The following POU6F2 variants were observed in gnomAD, a reference collection of about 807,000 sequenced individuals.
The protein encoded by POU6F2 is POU class 6 homeobox 2.
In POU6F2, 31 loss-of-function variants were observed where a neutral mutation model predicts 71.3. That is an observed-to-expected ratio of 0.43 (90% confidence interval 0.33 to 0.59). POU6F2 has a LOEUF of 0.59. Ranked by LOEUF, POU6F2 falls within the 20% of genes least tolerant of loss-of-function variation. The pLI, the probability that POU6F2 is intolerant of heterozygous loss-of-function variation, is 0.04. For synonymous variants in POU6F2, 347 were observed against 355.7 expected (o/e 0.98, Z 0.27); for missense variants, 783 against 856.8 (o/e 0.91, Z 1.07).
intron 2 of POU6F2, among the ~76,000 whole-genome samples, chr7:39,096,881 A>T (rs1791465221): frequency 6.6e-6 from 1 of 152,248 alleles, no homozygotes; most frequent in African/African-American, 2.4e-5. Flanking sequence ...AATATTTGAA[A>T]TTAGCTTATA....
chr7:39,154,599 G>T (rs1792827251), intron 2 of POU6F2, among the ~76,000 whole-genome samples: 1 of 152,096 alleles, frequency 6.6e-6, no homozygotes, highest in Non-Finnish European at 1.5e-5. Flanking sequence ...AAATTAATTG[G>T]ATTAGAAATT....
chr7:39,028,388 C>A (rs1332747559), intron 1 of POU6F2, among the ~76,000 whole-genome samples: 1 of 151,966 alleles, frequency 6.6e-6, no homozygotes, highest in South Asian at 2.1e-4. Context: ...GAAATCTTAA[C>A]CCATTTCAAC....
At chr7:39,120,867 C>T (rs1437370563) in intron 2 of POU6F2, 1 of 152,088 alleles carries the variant, frequency 6.6e-6, no homozygotes, top group East Asian at 1.9e-4. Context: ...ACAGGAGTGC[C>T]AGGACTGGTG....
At chr7:39,134,760 G>A (rs555934441) in intron 2 of POU6F2, among the ~76,000 whole-genome samples, 6 of 152,172 alleles carry the variant, frequency 3.9e-5, no homozygotes, top group Non-Finnish European at 7.3e-5. Context: ...CACCCAAGGA[G>A]CTCTCAGAAA....
At chr7:39,402,266 A>G (rs1787321639) in intron 5 of POU6F2, among the ~76,000 whole-genome samples, 1 of 152,196 alleles carries the variant, frequency 6.6e-6, no homozygotes, top group African/African-American at 2.4e-5. Context: ...TCTCATCACC[A>G]TTTAGTGTAC....
chr7:38,989,801 T>TTGTGTG lies in POU6F2; in HGVS notation c.105+11763_105+11768dup, dbSNP rs375334324. Among the ~76,000 whole-genome samples the TTGTGTG allele has an allele frequency of 7.0e-5, 10 of 143,144 alleles. 1 individual carries two copies. The highest frequency in any genetic ancestry group is 3.6e-3 in the Middle Eastern group (1 of 278). The allele number at this position is 143,144 out of a possible 152,430, so 93.9% of individuals were successfully genotyped here. A position where few individuals can be genotyped will look rare whatever the true frequency, so the allele number is the denominator to read the frequency against. On this transcript the variant is annotated intron_variant, in intron 1 of 9. Coordinates refer to ENST00000518318, the MANE Select transcript of POU6F2 (RefSeq NM_001370959.1). Reference sequence around the variant, plus strand: ...ATATTAGGCACTGTTCTGTGTGTGTTTGTGTGTGTGTGTGTGTGTGTGTGT... The same window carrying TTGTGTG: ...ATATTAGGCACTGTTCTGTGTGTGTTTGTGTGTGTGTGTGTGTGTGTGTGTGTGTGT...
intron 5 of POU6F2, among the ~76,000 whole-genome samples, chr7:39,391,729 G>A (rs1358083998): frequency 2.0e-5 from 3 of 152,186 alleles, no homozygotes; most frequent in Non-Finnish European, 1.5e-5. Context: ...TCAGTACACA[G>A]GCAAAACTGC....
intron 4 of POU6F2, among the ~76,000 whole-genome samples, chr7:39,291,762 A>C (rs1341122855): frequency 6.6e-6 from 1 of 152,160 alleles, no homozygotes; most frequent in African/African-American, 2.4e-5. Flanking sequence ...GATAATGAGG[A>C]AGGAGTTGCA....
intron 4 of POU6F2, among the ~76,000 whole-genome samples, chr7:39,326,977 C>T (rs1050499788): frequency 1.2e-4 from 19 of 152,138 alleles, no homozygotes; most frequent in African/African-American, 4.6e-4. Context: ...TTCATGAAAA[C>T]TGCATTTATT....
chr7:39,068,901 A>G (rs1790816821), intron 1 of POU6F2, among the ~76,000 whole-genome samples: 1 of 152,136 alleles, frequency 6.6e-6, no homozygotes, highest in South Asian at 2.1e-4. Flanking sequence ...TAGATTGCTG[A>G]GCCCTGCCCT....
chr7:39,277,714 G>A (rs1461552828), intron 4 of POU6F2, among the ~76,000 whole-genome samples: 1 of 152,032 alleles, frequency 6.6e-6, no homozygotes, highest in Admixed American at 6.5e-5. Flanking sequence ...CACCGAAGTG[G>A]TTAGGGGGAA....
intron 5 of POU6F2, among the ~76,000 whole-genome samples, chr7:39,379,228 G>T (rs1048777276): frequency 1.3e-5 from 2 of 152,180 alleles, no homozygotes; most frequent in African/African-American, 4.8e-5. Flanking sequence ...TTTGGGATTT[G>T]TCTGGAGGTT....
Position 39,457,045 on chromosome 7 carries a change from A to G in POU6F2, c.1490-3502A>G, listed in dbSNP as rs370210669. 1.6e-4 allele frequency among the ~76,000 whole-genome samples: 24 copies of G among 152,208 alleles called. No homozygotes were observed. In the South Asian group the frequency reaches 4.6e-3, roughly 29 times the overall value. On this transcript the variant is annotated intron_variant, in intron 8 of 9. Transcript: ENST00000518318. Reference sequence around the variant, plus strand: ...CTAAAAGTCCACAGCTTCCTTTTCAACTCTTGTTATTGTCAGTGATCTGAC... The same window carrying G: ...CTAAAAGTCCACAGCTTCCTTTTCAGCTCTTGTTATTGTCAGTGATCTGAC...
At chr7:39,294,641 C>T (rs1224981349) in intron 4 of POU6F2, among the ~76,000 whole-genome samples, 1 of 151,956 alleles carries the variant, frequency 6.6e-6, no homozygotes, top group African/African-American at 2.4e-5. Context: ...AGTTGCTGTA[C>T]CATTGAAGTC....
At chr7:39,044,984 T>A (rs1441481626) in intron 1 of POU6F2, among the ~76,000 whole-genome samples, 1 of 151,796 alleles carries the variant, frequency 6.6e-6, no homozygotes, top group Non-Finnish European at 1.5e-5. Context: ...CAGATGCAAA[T>A]CTTATTTGAT....
intron 4 of POU6F2, among the ~76,000 whole-genome samples, chr7:39,313,498 T>C (rs541916547): frequency 6.6e-6 from 1 of 152,276 alleles, no homozygotes; most frequent in Admixed American, 6.5e-5. Flanking sequence ...CAAATTATTA[T>C]CTGTTTTCTT....
chr7:39,161,047 A>G (rs1792984846), intron 2 of POU6F2, among the ~76,000 whole-genome samples: 1 of 152,094 alleles, frequency 6.6e-6, no homozygotes, highest in African/African-American at 2.4e-5. Context: ...GTTCTGGGTC[A>G]GACTATCAGA....
chr7:39,226,691 A>T (rs2128749290), intron 4 of POU6F2, among the ~76,000 whole-genome samples: 1 of 152,310 alleles, frequency 6.6e-6, no homozygotes, highest in Admixed American at 6.5e-5. Flanking sequence ...ATCTTCCTGA[A>T]AGTAGGTCAT....
chr7:39,434,122 A>G (rs564404599), intron 7 of POU6F2, among the ~76,000 whole-genome samples: 14 of 152,272 alleles, frequency 9.2e-5, no homozygotes, highest in Non-Finnish European at 1.5e-4. Context: ...TCCCAGAGAT[A>G]ATGGCTTGGG....
Sources: allele counts gnomAD v4.1 joint callset (sites outside exome capture counted in the v4.1 genomes callset), GRCh38; gene constraint gnomAD v4.1.1; transcripts MANE v1.5; gene names NCBI Gene and HGNC (gene_info 2026-07-23, HGNC 2026-07-21).